The following ESYT2 variants were observed in gnomAD, a reference collection of about 807,000 sequenced individuals.
ESYT2 encodes extended synaptotagmin 2, also known as extended synaptotagmin-2.
Under a neutral mutation model 107.2 loss-of-function variants are expected in ESYT2, and 54 were observed. The observed-to-expected ratio is 0.50, with a 90% confidence interval of 0.40 to 0.63. The LOEUF (loss-of-function observed/expected upper bound fraction) is 0.63, where lower values mean the gene tolerates loss of function less well. Ranked by LOEUF, ESYT2 falls within the 30% of genes least tolerant of loss-of-function variation. The pLI is 0.00. For missense variants in ESYT2, 1,020 were observed against 1,094.5 expected, an observed-to-expected ratio of 0.93 and a Z score of 0.96; for synonymous variants, 491 against 434.1, an observed-to-expected ratio of 1.13 and a Z score of -1.63.
chr7:158,769,054 AAATT>A (rs1415197063), intron 7 of ESYT2, among the ~76,000 whole-genome samples: 1 of 151,816 alleles, frequency 6.6e-6, no homozygotes, highest in Non-Finnish European at 1.5e-5. Flanking sequence ...TTAGATGCTA[AAATT>A]ATTAACATAC....
intron 6 of ESYT2, among the ~76,000 whole-genome samples, chr7:158,780,881 T>C (rs1838756289): frequency 6.6e-6 from 1 of 152,158 alleles, no homozygotes; most frequent in South Asian, 2.1e-4. Flanking sequence ...CCAGAGGCTG[T>C]AATGACGGAG....
chr7:158,775,985 C>G (rs1289249509), intron 6 of ESYT2, among the ~76,000 whole-genome samples: 2 of 152,208 alleles, frequency 1.3e-5, no homozygotes, highest in Admixed American at 1.3e-4. Flanking sequence ...TGTCAGCAGG[C>G]AAGAAAACAG....
chr7:158,767,962 T>C (rs1212492085), intron 7 of ESYT2, among the ~76,000 whole-genome samples, 188 bp from the exon 8 acceptor site: 1 of 152,218 alleles, frequency 6.6e-6, no homozygotes, highest in African/African-American at 2.4e-5. Context: ...ACCACTATGG[T>C]GACTATGATA....
chr7:158,738,566 T>C (rs34249621), intron 19 of ESYT2, among the ~76,000 whole-genome samples: 35,868 of 151,862 alleles, frequency 0.24, 5,100 homozygotes, highest in East Asian at 0.59. Context: ...GTGATTCTCC[T>C]GCATCAGCCT....
chr7:158,763,366 C>T (rs924524903), intron 9 of ESYT2, among the ~76,000 whole-genome samples: 2 of 152,112 alleles, frequency 1.3e-5, no homozygotes, highest in African/African-American at 4.8e-5. Flanking sequence ...ACAATCTTGG[C>T]TCACTGCAAC....
chr7:158,781,515 A>C (rs937109669), intron 6 of ESYT2, among the ~76,000 whole-genome samples: 1 of 151,940 alleles, frequency 6.6e-6, no homozygotes, highest in Non-Finnish European at 1.5e-5. Flanking sequence ...GTGTGAGAAC[A>C]AAGTGTGAGA....
intron 1 of ESYT2, among the ~76,000 whole-genome samples, chr7:158,818,842 T>G (rs1219385299): frequency 3.9e-5 from 6 of 152,212 alleles, no homozygotes; most frequent in African/African-American, 1.4e-4. Flanking sequence ...GAGCCTGAGC[T>G]GTGGGCTCTG....
chr7:158,766,401 G>A (rs1441161534), intron 8 of ESYT2, among the ~76,000 whole-genome samples: 1 of 152,202 alleles, frequency 6.6e-6, no homozygotes, highest in Non-Finnish European at 1.5e-5. Context: ...AGCATAAGAG[G>A]CTTAGGTGCA....
rs1049578866 is a variant in ESYT2 at position 158,788,120 on chromosome 7, T to C, written c.658-27A>G. On this transcript the variant is annotated intron_variant, in intron 5 of 22. Coordinates refer to ENST00000275418, the MANE Select transcript of ESYT2 (RefSeq NM_001367773.1). ...TAAACTCAAACAGGAAACCAAAATA[T>C]GTAATAGAAAACATTCTGCAGGGCC... The C allele has an allele frequency of 4.4e-6, 7 of 1,587,534 alleles. No individual in the cohort carries two copies. The Admixed American group carries it at 5.0e-5, about 11-fold the overall frequency.
chr7:158,738,329 ACACACACACACACAGACACACAC>A (rs1837049588), intron 19 of ESYT2, among the ~76,000 whole-genome samples: 2 of 84,816 alleles, frequency 2.4e-5, no homozygotes, highest in East Asian at 3.3e-4. Flanking sequence ...AAAAAAAAAT[ACACACACACACACAGACACACAC>A]ACACACACAC....
intron 13 of ESYT2, among the ~76,000 whole-genome samples, chr7:158,757,005 T>C (rs1009606058): frequency 1.3e-5 from 2 of 151,658 alleles, no homozygotes; most frequent in African/African-American, 2.4e-5. Context: ...CACATTGAGA[T>C]GAACCACAAG....
Position 158,741,793 on chromosome 7 carries a change from G to T in ESYT2, c.1898C>A (p.Ser633Tyr). The T allele has an allele frequency of 6.2e-7, 1 of 1,614,102 alleles. No homozygotes were observed. The highest frequency in any genetic ancestry group is 8.5e-7 in the Non-Finnish European group (1 of 1,180,006). The change falls in exon 18 of 23, where the codon TCT becomes TAT. Residue 633 changes from serine to tyrosine, a missense_variant. Coordinates refer to ENST00000275418, the MANE Select transcript of ESYT2 (RefSeq NM_001367773.1). ...AGGGCCTGGAGACCCAGACATATGAGATTTGATGGATGTTTTCCTCCCCTC... is the reference window on the plus strand; with the variant it reads ...AGGGCCTGGAGACCCAGACATATGATATTTGATGGATGTTTTCCTCCCCTC... The part of the protein sequence containing the change: ...SKEGRKTSIK[S>Y]HMSGSPGPGG...
intron 1 of ESYT2, among the ~76,000 whole-genome samples, chr7:158,810,462 G>C (rs533810688): frequency 6.6e-6 from 1 of 152,250 alleles, no homozygotes; most frequent in African/African-American, 2.4e-5. Flanking sequence ...CAGGCAGGAG[G>C]ATCACTTGAG....
Position 158,803,416 on chromosome 7 carries a change from T to C in ESYT2, c.331-4344A>G, listed in dbSNP as rs1839702897. 2.0e-5 allele frequency among the ~76,000 whole-genome samples: 3 copies of C among 151,764 alleles called. 1 individual carries two copies. The South Asian group carries it at 6.4e-4, about 32-fold the overall frequency. ...TTTATCAGTTACATCACAATAGAAA[T>C]CGGAAACTCTGGTTTCTAGAAGCCT... On this transcript the variant is annotated intron_variant, in intron 1 of 22. Transcript: ENST00000275418.
At chr7:158,814,766 G>A (rs959190760) in intron 1 of ESYT2, among the ~76,000 whole-genome samples, 5 of 152,230 alleles carry the variant, frequency 3.3e-5, no homozygotes, top group African/African-American at 7.2e-5. Flanking sequence ...CAGCTCCCAG[G>A]GCACTGAGTA....
intron 16 of ESYT2, 66 bp downstream of exon 16, chr7:158,748,128 C>T (rs993741067): frequency 1.4e-6 from 2 of 1,473,482 alleles, no homozygotes; most frequent in Non-Finnish European, 1.9e-6. Flanking sequence ...CACAACTCAG[C>T]AAATTGTATA....
intron 13 of ESYT2, among the ~76,000 whole-genome samples, chr7:158,758,010 G>A (rs879375897): frequency 8.5e-5 from 13 of 152,276 alleles, no homozygotes; most frequent in Middle Eastern, 3.4e-3. Flanking sequence ...AATACTTAAT[G>A]AAATAACTTT....
rs931418434 is a variant in ESYT2, at chr7:158,758,005, T to C, written c.1419+1481A>G. ...GAAATTCTGTGGAAAGATTAAATAC[T>C]TAATGAAATAACTTTTTCCAAATTG... is the stretch of plus-strand genomic sequence containing the variant. On this transcript the variant is annotated intron_variant, in intron 13 of 22. Coordinates refer to ENST00000275418, the MANE Select transcript of ESYT2 (RefSeq NM_001367773.1). Among the ~76,000 whole-genome samples, 3 of 152,314 alleles carry C rather than the reference T, an allele frequency of 2.0e-5. No individual in the cohort carries two copies. The East Asian group carries it at 5.8e-4, about 29-fold the overall frequency.
intron 7 of ESYT2, among the ~76,000 whole-genome samples, chr7:158,770,324 AAACATAATTT>A (rs1838314707): frequency 4.3e-5 from 1 of 23,118 alleles, no homozygotes; most frequent in Non-Finnish European, 3.1e-4. Context: ...ACATTTATGT[AAACATAATTT>A]ATTATATAAA....
Sources: gnomAD v4.1 joint callset for allele counts (sites outside exome capture counted in the v4.1 genomes callset) on GRCh38, gnomAD v4.1.1 for gene constraint, MANE v1.5 for transcripts, NCBI Gene and HGNC (gene_info 2026-07-23, HGNC 2026-07-21) for gene names.